STK40: variants seen among roughly 807,000 people sequenced by gnomAD.
The protein encoded by STK40 is serine/threonine kinase 40, also known as serine/threonine-protein kinase 40.
In STK40, 13 loss-of-function variants were observed where a neutral mutation model predicts 47.9. The observed-to-expected ratio is 0.27, with a 90% CI of 0.18 to 0.43. The LOEUF (loss-of-function observed/expected upper bound fraction) is 0.43, where lower values mean the gene tolerates loss of function less well. Among genes scored for constraint, STK40 ranks in the 20% least tolerant of loss-of-function variants. The pLI is 1.00. For synonymous variants in STK40, 225 were observed against 243.2 expected, an observed-to-expected ratio of 0.93 and a Z score of 0.69; for missense variants, 460 against 595.1, an observed-to-expected ratio of 0.77 and a Z score of 2.36.
intron 1 of STK40, among the ~76,000 whole-genome samples, chr1:36,371,179 C>T (rs1198130700): frequency 6.6e-6 from 1 of 151,420 alleles, no homozygotes; most frequent in Non-Finnish European, 1.5e-5. Context: ...ACACCCAGCC[C>T]CATATACTTT....
chr1:36,352,788 C>G (rs1450425731), intron 6 of STK40, among the ~76,000 whole-genome samples: 1 of 152,224 alleles, frequency 6.6e-6, no homozygotes, highest in African/African-American at 2.4e-5. Flanking sequence ...CACATGATAC[C>G]ATCTTCTGGT....
At chr1:36,368,797 T>C (rs1272139952) in intron 1 of STK40, among the ~76,000 whole-genome samples, 2 of 152,194 alleles carry the variant, frequency 1.3e-5, no homozygotes, top group Non-Finnish European at 2.9e-5. Flanking sequence ...AATCTGAATA[T>C]AGACTGTTTA....
Position 36,341,737 on chromosome 1 carries a change from T to A in STK40, c.*18A>T. On this transcript the variant is annotated 3_prime_UTR_variant, in exon 11 of 11. Transcript: ENST00000373132. ...CTGGAAGAAGTGGCAGCAGTGCTGG[T>A]GGCCCCGGCTGAGGCTGTTATTTCC... 1 of 1,607,520 alleles carries A rather than the reference T, an allele frequency of 6.2e-7. No individual in the cohort carries two copies. Among genetic ancestry groups the A allele is most frequent in the Admixed American group, 1.7e-5 (1 of 59,928 alleles).
At chr1:36,383,408 TGCCAGGCACTTCTGC>T (rs1477535520) in intron 1 of STK40, among the ~76,000 whole-genome samples, 1 of 152,236 alleles carries the variant, frequency 6.6e-6, no homozygotes, top group African/African-American at 2.4e-5. Context: ...GGGGCACATG[TGCCAGGCACTTCTGC>T]GCCAGGCAGA....
intron 10 of STK40, chr1:36,342,264 T>C (rs905937152): frequency 4.5e-6 from 2 of 440,234 alleles, no homozygotes; most frequent in African/African-American, 2.0e-5. Context: ...CTCAGAAGCC[T>C]TAGCTGTCTG....
chr1:36,342,057 T>C, intron 10 of STK40, 84 bp from the exon 11 acceptor site: 2 of 1,290,040 alleles, frequency 1.6e-6, no homozygotes, highest in Non-Finnish European at 2.2e-6. Flanking sequence ...GCAAGAGTGC[T>C]GGCAGCCTGG....
chr1:36,366,225 C>T (rs1156963740), intron 1 of STK40, among the ~76,000 whole-genome samples: 2 of 152,214 alleles, frequency 1.3e-5, no homozygotes, highest in African/African-American at 4.8e-5. Context: ...GGAGCAGCTG[C>T]AGCACAGACA....
chr1:36,343,810 G>A, intron 9 of STK40, 50 bp downstream of exon 9: 3 of 1,526,760 alleles, frequency 2.0e-6, no homozygotes, highest in Non-Finnish European at 2.6e-6. Context: ...AGGATGGGCA[G>A]AGGCCCTGAG....
chr1:36,356,231 T>C (rs1022870187), intron 4 of STK40, among the ~76,000 whole-genome samples: 2 of 152,126 alleles, frequency 1.3e-5, no homozygotes, highest in Non-Finnish European at 2.9e-5. Context: ...ATGTTGTGGC[T>C]GCGAGATGGA....
At position 36,354,346 on chromosome 1, in the gene STK40, TAG is replaced by T. The variant is rs765536918; in HGVS notation, c.623+16_623+17del. On this transcript the variant is annotated intron_variant, in intron 6 of 10. Coordinates refer to ENST00000373132, the MANE Select transcript of STK40 (RefSeq NM_001282547.2). ...CAGCCCCGGGGTAACTGTATGGATG[TAG>T]AGACAGGGATCTTACCTCTTGTTGA... The T allele has an allele frequency of 2.5e-6, 4 of 1,613,800 alleles. No individual in the cohort carries two copies. In the South Asian group the frequency reaches 3.3e-5, roughly 13 times the overall value.
intron 1 of STK40, chr1:36,362,540 A>T (rs1449628091): frequency 6.6e-6 from 1 of 152,228 alleles, no homozygotes; most frequent in Non-Finnish European, 1.5e-5. Context: ...GTGGCCCAGG[A>T]TAGAGGCCTG....
intron 1 of STK40, chr1:36,362,648 T>C (rs1274843404): frequency 3.3e-5 from 5 of 152,156 alleles, no homozygotes; most frequent in African/African-American, 1.2e-4. Flanking sequence ...TAAAAGTAAC[T>C]GATGTTCTCT....
At chr1:36,344,316 T>C in intron 7 of STK40, 52 bp from the exon 8 acceptor site, 2 of 1,517,374 alleles carry the variant, frequency 1.3e-6, no homozygotes, top group South Asian at 2.6e-5. Context: ...CCACCGTGGC[T>C]CACCAGCCTG....
At chr1:36,351,834 G>A (rs1646762033) in intron 6 of STK40, among the ~76,000 whole-genome samples, 1 of 152,226 alleles carries the variant, frequency 6.6e-6, no homozygotes, top group Non-Finnish European at 1.5e-5. Context: ...CATGAGCCCG[G>A]CAAGTTCCCA....
At chr1:36,380,381 C>A (rs563116171) in intron 1 of STK40, among the ~76,000 whole-genome samples, 1 of 152,360 alleles carries the variant, frequency 6.6e-6, no homozygotes, top group South Asian at 2.1e-4. Flanking sequence ...GGGACAGCTT[C>A]TGGCTCCCTT....
At chr1:36,346,049 C>T (rs1290425653) in intron 7 of STK40, among the ~76,000 whole-genome samples, 2 of 129,282 alleles carry the variant, frequency 1.5e-5, no homozygotes, top group Non-Finnish European at 3.1e-5. Context: ...GGCTGGAGTG[C>T]AGTGGTGAGA....
intron 4 of STK40, among the ~76,000 whole-genome samples, chr1:36,357,254 C>T (rs959857355): frequency 1.1e-4 from 16 of 152,236 alleles, no homozygotes; most frequent in African/African-American, 2.4e-4. Context: ...CAAGGTCATA[C>T]TAGCTGAATC....
Position 36,345,991 on chromosome 1 carries a change from A to ATATATTTTTTTTTTTTTT in STK40, c.740-1728_740-1727insAAAAAAAAAAAAAATATA. The stretch of plus-strand genomic sequence containing the variant: ...TACATATATATATATATATATATAT[A>ATATATTTTTTTTTTTTTT]TTTTTTTTTTTTTTTTTTCCTGAGA... On this transcript the variant is annotated intron_variant, in intron 7 of 10. Transcript: ENST00000373132. Among the ~76,000 whole-genome samples, 69 of 26,458 alleles carry ATATATTTTTTTTTTTTTT rather than the reference A, an allele frequency of 2.6e-3. 4 individuals carry two copies. Among genetic ancestry groups the ATATATTTTTTTTTTTTTT allele is most frequent in the Non-Finnish European group, 3.7e-3 (54 of 14,422 alleles). 17.4% of individuals were successfully genotyped at this position (26,458 alleles called of 152,430 possible).
At chr1:36,350,817 T>C (rs1387617307) in intron 6 of STK40, among the ~76,000 whole-genome samples, 3 of 152,230 alleles carry the variant, frequency 2.0e-5, no homozygotes, top group African/African-American at 7.2e-5. Flanking sequence ...TCCCACCCTC[T>C]GCCAGGGCAC....
Sources: allele counts gnomAD v4.1 joint callset (sites outside exome capture counted in the v4.1 genomes callset), GRCh38; gene constraint gnomAD v4.1.1; transcripts MANE v1.5; gene names NCBI Gene and HGNC (gene_info 2026-07-23, HGNC 2026-07-21).